The following MTMR10 variants were observed in gnomAD, a reference collection of about 807,000 sequenced individuals.
MTMR10 encodes myotubularin related protein 10, also known as myotubularin-related protein 10.
In MTMR10, 56 loss-of-function variants were observed where a neutral mutation model predicts 88.1. That is an observed-to-expected ratio of 0.64 (90% confidence interval 0.51 to 0.79). The LOEUF is 0.79. Among genes scored for constraint, MTMR10 ranks in the 30% least tolerant of loss-of-function variants. MTMR10 has a pLI of 0.00. For missense variants in MTMR10, 883 were observed against 924.7 expected (o/e 0.95, Z 0.58); for synonymous variants, 380 against 340.9 (o/e 1.11, Z -1.26).
In MTMR10 at chr15:30,939,169, C is replaced by CAAATTAATATCCTTTCCTTAA; in HGVS notation, c.*2280_*2300dup. 5 of 985,374 alleles carry CAAATTAATATCCTTTCCTTAA rather than the reference C, an allele frequency of 5.1e-6. No individual in the cohort carries two copies. Among genetic ancestry groups the CAAATTAATATCCTTTCCTTAA allele is most frequent in the Non-Finnish European group, 6.0e-6 (5 of 829,888 alleles). 61.0% of individuals were successfully genotyped at this position (985,374 alleles called of 1,614,324 possible). On this transcript the variant is annotated 3_prime_UTR_variant, in exon 16 of 16. Coordinates refer to ENST00000435680, the MANE Select transcript of MTMR10 (RefSeq NM_017762.3). ...GAACAGCTTTCACCCTCTGTTAGTA[C>CAAATTAATATCCTTTCCTTAA]AAATTAATATCCTTTCCTTAAATAA... is the stretch of plus-strand genomic sequence containing the variant.
chr15:30,962,012 C>T (rs961125937), intron 6 of MTMR10, among the ~76,000 whole-genome samples: 14 of 152,224 alleles, frequency 9.2e-5, no homozygotes, highest in African/African-American at 3.4e-4. Context: ...TCTCACCTAC[C>T]TGCTCTTTTC....
chr15:30,943,582 T>C, intron 14 of MTMR10: 2 of 984,800 alleles, frequency 2.0e-6, no homozygotes, highest in Non-Finnish European at 2.4e-6. Context: ...GACCACAGAC[T>C]CAGGGTAGGA....
At chr15:30,925,726 G>C in the MTMR10 span, 1 of 1,581,458 alleles carries the variant, frequency 6.3e-7, no homozygotes, top group Non-Finnish European at 8.6e-7. Flanking sequence ...CGATGCTACA[G>C]GCAGGTTTTC....
chr15:30,960,598 TC>T (rs2063388134), intron 7 of MTMR10, among the ~76,000 whole-genome samples: 2 of 152,152 alleles, frequency 1.3e-5, no homozygotes, highest in Admixed American at 1.3e-4. Flanking sequence ...AGACTTTAGA[TC>T]CTGATATGAA....
At chr15:30,982,501 A>T (rs1206012254) in intron 2 of MTMR10, among the ~76,000 whole-genome samples, 1 of 152,210 alleles carries the variant, frequency 6.6e-6, no homozygotes, top group Non-Finnish European at 1.5e-5. Flanking sequence ...AAAAAGAAAA[A>T]AGAAAAAAAA....
chr15:30,990,945 C>T, intron 1 of MTMR10, 108 bp from the exon 2 acceptor site: 1 of 863,664 alleles, frequency 1.2e-6, no homozygotes, highest in Non-Finnish European at 1.8e-6. Context: ...AGACACACAG[C>T]CCCCCATTTA....
Position 30,973,921 on chromosome 15 carries a change from A to G in MTMR10, c.474+393T>C, listed in dbSNP as rs543096796. On this transcript the variant is annotated intron_variant, in intron 5 of 15. Coordinates refer to ENST00000435680, the MANE Select transcript of MTMR10 (RefSeq NM_017762.3). ...TATATTTACCTAAATCTTATGTAAC[A>G]TAAGTCTAGCTTACAGTTTGTTGGT... 5.9e-4 allele frequency among the ~76,000 whole-genome samples: 90 copies of G among 152,338 alleles called. 1 individual carries two copies. Among genetic ancestry groups the G allele is most frequent in the Admixed American group, 4.9e-3 (75 of 15,306 alleles).
chr15:30,922,600 C>G, the MTMR10 span, among the ~76,000 whole-genome samples: 1 of 152,094 alleles, frequency 6.6e-6, no homozygotes, highest in African/African-American at 2.4e-5. Flanking sequence ...ACTGTGGACT[C>G]TGTGCTGGCA....
At chr15:30,968,524 T>C (rs2063498165) in intron 5 of MTMR10, among the ~76,000 whole-genome samples, 1 of 128,902 alleles carries the variant, frequency 7.8e-6, no homozygotes, top group African/African-American at 3.3e-5. Context: ...AAGAGGTACA[T>C]CAAAAAAACA....
chr15:30,961,205 A>C, intron 6 of MTMR10, 132 bp from the exon 7 acceptor site: 3 of 1,249,960 alleles, frequency 2.4e-6, no homozygotes, highest in Non-Finnish European at 3.2e-6. Context: ...AGTCTCTCCG[A>C]GAACTGTCTT....
chr15:30,922,167 C>T, the MTMR10 span: 5 of 1,564,872 alleles, frequency 3.2e-6, no homozygotes, highest in Non-Finnish European at 4.3e-6. Flanking sequence ...ATCCTATGGG[C>T]TTGTAAATAT....
At chr15:30,930,247 C>T in the MTMR10 span, among the ~76,000 whole-genome samples, 8 of 151,804 alleles carry the variant, frequency 5.3e-5, no homozygotes, top group South Asian at 2.1e-4. Flanking sequence ...GCCATGCTGT[C>T]GCGTTCCTGA....
intron 4 of MTMR10, 83 bp downstream of exon 4, chr15:30,974,848 C>T: frequency 2.0e-6 from 2 of 991,434 alleles, no homozygotes; most frequent in South Asian, 5.0e-5. Context: ...AACGCCAATC[C>T]AAGTATTTTG....
chr15:30,961,103 AAC>A (rs1383434350), intron 6 of MTMR10, 30 bp from the exon 7 acceptor site: 4 of 1,527,556 alleles, frequency 2.6e-6, no homozygotes, highest in Admixed American at 2.0e-5. Flanking sequence ...TATGAATTTT[AAC>A]AGTCACATTT....
At chr15:30,929,707 TCATATATAATATATATAA>T in the MTMR10 span, among the ~76,000 whole-genome samples, 2 of 57,294 alleles carry the variant, frequency 3.5e-5, 1 homozygote, top group African/African-American at 1.3e-4. Context: ...ATATATTATA[TCATATATAATATATATAA>T]AATATATAAT....
chr15:30,941,899 A>T lies in MTMR10; in HGVS notation c.1905T>A (p.Phe635Leu), dbSNP rs1383204368. 13 of 1,613,900 alleles carry T rather than the reference A, an allele frequency of 8.1e-6. No individual in the cohort carries two copies. The highest frequency in any genetic ancestry group is 1.1e-5 in the Non-Finnish European group (13 of 1,179,900). Reference sequence around the variant, plus strand: ...CACCGTGCAGGTTGGCGGGTTTGGAAAACCATTCTCTAAAATACTGCTCCG... The same window carrying T: ...CACCGTGCAGGTTGGCGGGTTTGGATAACCATTCTCTAAAATACTGCTCCG... ...SDTEQYFREW[F>L]SKPANLHGVI... is the part of the protein sequence containing the mutation. The change falls in exon 16 of 16, where the codon TTT (phenylalanine) becomes TTA (leucine). Residue 635 changes from phenylalanine (F) to leucine (L), a missense_variant. Transcript: ENST00000435680.
downstream of MTMR10, among the ~76,000 whole-genome samples, chr15:30,935,252 G>A (rs897948575): frequency 6.6e-6 from 1 of 151,924 alleles, no homozygotes; most frequent in African/African-American, 2.4e-5. Context: ...AGGCTGCAGT[G>A]TGCTGAGATC....
At chr15:30,956,403 T>A (rs182560754) in intron 9 of MTMR10, 2 of 152,356 alleles carry the variant, frequency 1.3e-5, no homozygotes, top group East Asian at 3.9e-4. Context: ...ATAAATGGGC[T>A]GTGGTGAATG....
At chr15:30,971,333 G>A (rs2063535452) in intron 5 of MTMR10, among the ~76,000 whole-genome samples, 1 of 152,182 alleles carries the variant, frequency 6.6e-6, no homozygotes, top group African/African-American at 2.4e-5. Flanking sequence ...ACAGAAGCCA[G>A]AAGTACCCAC....
Sources: gnomAD v4.1 joint callset for allele counts (sites outside exome capture counted in the v4.1 genomes callset) on GRCh38, gnomAD v4.1.1 for gene constraint, MANE v1.5 for transcripts, NCBI Gene and HGNC (gene_info 2026-07-23, HGNC 2026-07-21) for gene names.